ZBTB20: variants seen among roughly 807,000 people sequenced by gnomAD.
ZBTB20 encodes the protein zinc finger and BTB domain containing 20.
Under a neutral mutation model 56.9 loss-of-function variants are expected in ZBTB20, and 9 were observed. That is an observed-to-expected ratio of 0.16 (90% CI 0.10 to 0.28). ZBTB20 has a LOEUF of 0.28. Ranked by LOEUF, ZBTB20 falls within the 10% of genes least tolerant of loss-of-function variation. ZBTB20 has a pLI of 1.00. For synonymous variants in ZBTB20, 417 were observed against 420.7 expected (o/e 0.99, Z 0.11); for missense variants, 655 against 1,003.0 (o/e 0.65, Z 4.69).
In ZBTB20 at chr3:115,111,691, TTTACTA is replaced by T. The variant is rs549444959; in HGVS notation, c.-703+35522_-703+35527del. Reference sequence around the variant, plus strand: ...TCTGAAGTTTTCCAGGCACTACATTTTTACTATTACTATTATTTTAAGTTACCTTAA... The same window carrying T: ...TCTGAAGTTTTCCAGGCACTACATTTTTACTATTATTTTAAGTTACCTTAA... On this transcript the variant is annotated intron_variant, in intron 1 of 11. Coordinates refer to ENST00000675478, the MANE Select transcript of ZBTB20 (RefSeq NM_001348800.3). Among the ~76,000 whole-genome samples the T allele has an allele frequency of 1.1e-3, 163 of 152,310 alleles. 2 individuals carry two copies. The South Asian group carries it at 0.016, about 15-fold the overall frequency.
intron 4 of ZBTB20, among the ~76,000 whole-genome samples, chr3:114,873,696 A>ACAGAAGC (rs2076092625): frequency 6.6e-6 from 1 of 152,198 alleles, no homozygotes; most frequent in Non-Finnish European, 1.5e-5. Context: ...GGTGGGGAAC[A>ACAGAAGC]CAGAAGCAAT....
chr3:114,855,532 G>A (rs563122570), intron 4 of ZBTB20, among the ~76,000 whole-genome samples: 3 of 152,248 alleles, frequency 2.0e-5, no homozygotes, highest in South Asian at 4.1e-4. Flanking sequence ...TAAAATGTCC[G>A]AGTGATTCCT....
At chr3:115,042,489 G>A (rs1361785864) in intron 2 of ZBTB20, among the ~76,000 whole-genome samples, 4 of 152,134 alleles carry the variant, frequency 2.6e-5, no homozygotes, top group Non-Finnish European at 5.9e-5. Context: ...TTGTGCAACA[G>A]TGAGTTTAGA....
At chr3:114,574,745 T>C (rs1472727448) in intron 6 of ZBTB20, among the ~76,000 whole-genome samples, 1 of 152,216 alleles carries the variant, frequency 6.6e-6, no homozygotes, top group Non-Finnish European at 1.5e-5. Context: ...GCCGAACAGT[T>C]ATTTTGAAAA....
At chr3:114,737,203 A>G (rs2066236881) in intron 5 of ZBTB20, among the ~76,000 whole-genome samples, 1 of 152,220 alleles carries the variant, frequency 6.6e-6, no homozygotes, top group Non-Finnish European at 1.5e-5. Flanking sequence ...TTATTTAAAT[A>G]GAACTCTAAA....
At chr3:115,106,454 C>T (rs908111324) in intron 1 of ZBTB20, among the ~76,000 whole-genome samples, 5 of 151,648 alleles carry the variant, frequency 3.3e-5, no homozygotes, top group East Asian at 3.9e-4. Context: ...AGGATGGTCT[C>T]GATCTCCTGA....
intron 5 of ZBTB20, among the ~76,000 whole-genome samples, chr3:114,719,354 A>T (rs1272293680): frequency 6.6e-6 from 1 of 152,198 alleles, no homozygotes; most frequent in South Asian, 2.1e-4. Flanking sequence ...AAAGGTTTGA[A>T]CCTCAATGAT....
intron 5 of ZBTB20, among the ~76,000 whole-genome samples, chr3:114,710,739 G>A (rs1032730582): frequency 6.6e-6 from 1 of 152,058 alleles, no homozygotes; most frequent in Non-Finnish European, 1.5e-5. Context: ...TGCTCTTCCT[G>A]TATCACCCTG....
chr3:115,030,092 T>C (rs1041159573), intron 2 of ZBTB20, among the ~76,000 whole-genome samples: 2 of 150,996 alleles, frequency 1.3e-5, no homozygotes, highest in African/African-American at 4.8e-5. Context: ...AACGGAGAAA[T>C]TGTTATAAAA....
intron 2 of ZBTB20, among the ~76,000 whole-genome samples, chr3:115,053,920 T>C (rs1560529999): frequency 2.0e-5 from 3 of 152,172 alleles, no homozygotes; most frequent in Non-Finnish European, 4.4e-5. Flanking sequence ...TTTATCATTA[T>C]ATTGCAAAAA....
intron 6 of ZBTB20, among the ~76,000 whole-genome samples, chr3:114,673,262 T>C (rs142443007): frequency 7.0e-4 from 107 of 152,144 alleles, no homozygotes; most frequent in African/African-American, 2.5e-3. Context: ...GGGGTTGGGG[T>C]AGAGCTCAGC....
At chr3:114,780,304 A>G (rs529463953) in intron 5 of ZBTB20, among the ~76,000 whole-genome samples, 4 of 152,244 alleles carry the variant, frequency 2.6e-5, no homozygotes, top group Non-Finnish European at 4.4e-5. Flanking sequence ...CATTAAGACA[A>G]AAATGGTTGT....
chr3:114,741,495 C>A (rs1252985106), intron 5 of ZBTB20, among the ~76,000 whole-genome samples: 2 of 152,116 alleles, frequency 1.3e-5, no homozygotes, highest in African/African-American at 4.8e-5. Context: ...CTATTAAACA[C>A]TGGTGGAGAT....
chr3:114,681,641 G>C (rs1265244609), intron 6 of ZBTB20, among the ~76,000 whole-genome samples: 1 of 152,194 alleles, frequency 6.6e-6, no homozygotes, highest in African/African-American at 2.4e-5. Flanking sequence ...TTATGGAGTA[G>C]TGGGAAAGAT....
chr3:115,002,427 A>G (rs1027492099), intron 2 of ZBTB20, among the ~76,000 whole-genome samples: 1 of 151,614 alleles, frequency 6.6e-6, no homozygotes, highest in Admixed American at 6.6e-5. Context: ...CACAGACTAG[A>G]AGAAAATATT....
At chr3:114,602,715 G>A (rs371337293) in intron 6 of ZBTB20, among the ~76,000 whole-genome samples, 2 of 152,006 alleles carry the variant, frequency 1.3e-5, no homozygotes, top group Non-Finnish European at 2.9e-5. Context: ...AGGAAGGTAA[G>A]CACATATTAA....
At position 115,007,344 on chromosome 3, in the gene ZBTB20, A is replaced by G. The variant is rs181997031; in HGVS notation, c.-506-32928T>C. 7.9e-5 allele frequency among the ~76,000 whole-genome samples: 12 copies of G among 151,856 alleles called. No homozygotes were observed. In the East Asian group the frequency reaches 2.3e-3, roughly 30 times the overall value. On this transcript the variant is annotated intron_variant, in intron 2 of 11. Transcript: ENST00000675478. ...TAAGGAGGAAATACCATTTTCTGAA[A>G]TAAAAAAAAGAGAAAGAGAAAAAAC... is the stretch of plus-strand genomic sequence containing the variant.
intron 5 of ZBTB20, among the ~76,000 whole-genome samples, chr3:114,793,718 GAAT>G (rs1428513583): frequency 6.6e-6 from 1 of 152,066 alleles, no homozygotes; most frequent in African/African-American, 2.4e-5. Context: ...GATGTGGGTA[GAAT>G]AATAGGAAGA....
rs979494736 is a variant in ZBTB20, at chr3:114,678,855, A to G, written c.-295+14673T>C. The stretch of plus-strand genomic sequence containing the variant: ...GCCTTATAATAGACAACAAAAATGC[A>G]AAGAACAACAAATGTGATCTGAAAA... On this transcript the variant is annotated intron_variant, in intron 6 of 11. Transcript: ENST00000675478. 3.3e-5 allele frequency among the ~76,000 whole-genome samples: 5 copies of G among 152,220 alleles called. No individual in the cohort carries two copies. The East Asian group carries it at 7.7e-4, about 23-fold the overall frequency.
Sources: allele counts gnomAD v4.1 joint callset (sites outside exome capture counted in the v4.1 genomes callset), GRCh38; gene constraint gnomAD v4.1.1; transcripts MANE v1.5; gene names NCBI Gene and HGNC (gene_info 2026-07-23, HGNC 2026-07-21).